FDFT1: variants seen among roughly 807,000 people sequenced by gnomAD.
FDFT1 encodes squalene synthase.
In FDFT1, 68 loss-of-function variants were observed where a neutral mutation model predicts 46.8. The observed-to-expected ratio is 1.45, with a 90% CI of 1.19 to 1.78. The LOEUF (loss-of-function observed/expected upper bound fraction) is 1.78, where lower values mean the gene tolerates loss of function less well. FDFT1 is among the 40% of genes most tolerant of loss of function. The pLI, the probability that FDFT1 is intolerant of heterozygous loss-of-function variation, is 0.00. For missense variants in FDFT1, 928 were observed against 524.4 expected (o/e 1.77, Z -7.52); for synonymous variants, 351 against 185.1 (o/e 1.90, Z -7.28).
At chr8:11,824,505 C>T (rs1302630721) in intron 4 of FDFT1, among the ~76,000 whole-genome samples, 2 of 152,182 alleles carry the variant, frequency 1.3e-5, no homozygotes, top group African/African-American at 2.4e-5. Flanking sequence ...GACACGGCAG[C>T]CCCTTGAACC....
chr8:11,833,374 C>A (rs774329812), intron 7 of FDFT1, among the ~76,000 whole-genome samples: 1 of 152,218 alleles, frequency 6.6e-6, no homozygotes, highest in African/African-American at 2.4e-5. Context: ...AGGGGTTCAA[C>A]TACCCTTTCT....
upstream of FDFT1, among the ~76,000 whole-genome samples, chr8:11,800,282 AAAAAAAAAAAG>A (rs1324278531): frequency 5.5e-5 from 8 of 146,330 alleles, no homozygotes; most frequent in Non-Finnish European, 1.2e-4. Context: ...AAAAAAAAAA[AAAAAAAAAAAG>A]GCGCTTGAAC....
chr8:11,826,734 G>A (rs918014427), intron 5 of FDFT1, among the ~76,000 whole-genome samples: 1 of 152,200 alleles, frequency 6.6e-6, no homozygotes, highest in Non-Finnish European at 1.5e-5. Flanking sequence ...AGAATCGCTT[G>A]AACCCAGGAA....
chr8:11,813,998 TAATA>T (rs960254700), intron 3 of FDFT1, among the ~76,000 whole-genome samples: 31 of 152,304 alleles, frequency 2.0e-4, no homozygotes, highest in African/African-American at 7.2e-4. Context: ...TACAATTACG[TAATA>T]AATAATAAAA....
intron 1 of FDFT1, among the ~76,000 whole-genome samples, chr8:11,796,705 TTC>T (rs1318835142): frequency 2.6e-5 from 4 of 152,224 alleles, no homozygotes; most frequent in Non-Finnish European, 5.9e-5. Context: ...CTGTGGTTGA[TTC>T]TGAGTTGCAA....
At chr8:11,808,524 G>T (rs979254882) in intron 1 of FDFT1, 6 of 1,329,322 alleles carry the variant, frequency 4.5e-6, no homozygotes, top group Non-Finnish European at 3.8e-6. Context: ...TCCCATGGCC[G>T]CAGCCGCCTG....
chr8:11,808,192 G>C (rs1807121446), intron 1 of FDFT1: 1 of 1,007,448 alleles, frequency 9.9e-7, no homozygotes, highest in Non-Finnish European at 1.2e-6. Flanking sequence ...ACAAAGTCCA[G>C]GCCTTATTGG....
intron 7 of FDFT1, among the ~76,000 whole-genome samples, chr8:11,834,317 G>C (rs995878621): frequency 6.6e-6 from 1 of 152,226 alleles, no homozygotes; most frequent in African/African-American, 2.4e-5. Context: ...CTGGATGCTT[G>C]TCAGCTGGGG....
intron 1 of FDFT1, among the ~76,000 whole-genome samples, chr8:11,805,472 C>T (rs1004238911): frequency 1.3e-5 from 2 of 152,172 alleles, no homozygotes; most frequent in African/African-American, 2.4e-5. Flanking sequence ...AATCTAAATC[C>T]TGTTATTTAG....
upstream of FDFT1, among the ~76,000 whole-genome samples, chr8:11,797,638 C>CAAAAAAAA (rs34350077): frequency 5.3e-5 from 4 of 75,470 alleles, no homozygotes; most frequent in Admixed American, 3.7e-4. Context: ...CACACACACT[C>CAAAAAAAA]AAAAAAAAAA....
upstream of FDFT1, among the ~76,000 whole-genome samples, chr8:11,800,180 G>T (rs1365356433): frequency 1.5e-5 from 2 of 130,448 alleles, no homozygotes; most frequent in African/African-American, 5.8e-5. Flanking sequence ...AGAAGCACTT[G>T]AACCCAGAAG....
rs531759815 is a variant in FDFT1, at chr8:11,832,551, CAAAAAAAA to C, written c.1032+899_1032+906del. On this transcript the variant is annotated intron_variant, in intron 7 of 7. Transcript: ENST00000220584. ...TGGGTGATAGAGTGAGACTTTGTCTCAAAAAAAAAAAAAAAAAAAAAAAAAGTCTTAGA... is the reference window on the plus strand; with the variant it reads ...TGGGTGATAGAGTGAGACTTTGTCTCAAAAAAAAAAAAAAAAAGTCTTAGA... 4.5e-3 allele frequency among the ~76,000 whole-genome samples: 162 copies of C among 36,372 alleles called. 2 individuals carry two copies. The highest frequency in any genetic ancestry group is 0.031 in the Middle Eastern group (1 of 32). The allele number at this position is 36,372 out of a possible 152,430, so 23.9% of individuals were successfully genotyped here.
At chr8:11,829,295 C>T (rs542556756) in intron 5 of FDFT1, among the ~76,000 whole-genome samples, 2 of 152,316 alleles carry the variant, frequency 1.3e-5, no homozygotes, top group South Asian at 2.1e-4. Context: ...TAACCATCAA[C>T]ACTATGTTTC....
chr8:11,835,368 C>T (rs184114141), intron 7 of FDFT1, among the ~76,000 whole-genome samples: 38 of 152,294 alleles, frequency 2.5e-4, no homozygotes, highest in Middle Eastern at 3.4e-3. Flanking sequence ...GGTAAGTCCA[C>T]GTCTGAGTAC....
chr8:11,838,910 TC>T lies in FDFT1; in HGVS notation c.*303del, dbSNP rs1811950193. ...CGCTGCATATGTGACTGTCATGAGATCCTACTTAGTATGATCCTGGCTAGAA... is the reference window on the plus strand; with the variant it reads ...CGCTGCATATGTGACTGTCATGAGATCTACTTAGTATGATCCTGGCTAGAA... On this transcript the variant is annotated 3_prime_UTR_variant, in exon 8 of 8. Transcript: ENST00000220584. 2.6e-6 allele frequency: 1 copy of T among 383,524 alleles called. No homozygotes were observed. Among genetic ancestry groups the T allele is most frequent in the Non-Finnish European group, 4.8e-6 (1 of 208,252 alleles). 23.8% of individuals were successfully genotyped at this position (383,524 alleles called of 1,614,324 possible). A position where few individuals can be genotyped will look rare whatever the true frequency, so the allele number is the denominator to read the frequency against.
chr8:11,809,543 T>A, intron 2 of FDFT1, 124 bp from the exon 3 acceptor site: 2 of 1,292,656 alleles, frequency 1.5e-6, no homozygotes, highest in African/African-American at 1.5e-5. Context: ...GCGTTGGATA[T>A]CCTTATAGTT....
At chr8:11,806,581 A>T (rs965544379) in intron 1 of FDFT1, among the ~76,000 whole-genome samples, 1 of 151,872 alleles carries the variant, frequency 6.6e-6, no homozygotes, top group African/African-American at 2.4e-5. Flanking sequence ...ATCTAGGGGG[A>T]CCGTGTCTTG....
At chr8:11,809,149 C>A (rs1161544207) in intron 2 of FDFT1, 1 of 1,302,972 alleles carries the variant, frequency 7.7e-7, no homozygotes, top group Non-Finnish European at 9.8e-7. Flanking sequence ...TTAGTCTTGG[C>A]AGCTGAACCT....
At chr8:11,816,121 G>C (rs1301959709) in intron 3 of FDFT1, among the ~76,000 whole-genome samples, 1 of 152,200 alleles carries the variant, frequency 6.6e-6, no homozygotes, top group African/African-American at 2.4e-5. Flanking sequence ...TTATTAAATA[G>C]GGAATCCTTT....
Sources: gnomAD v4.1 joint callset for allele counts (sites outside exome capture counted in the v4.1 genomes callset) on GRCh38, gnomAD v4.1.1 for gene constraint, MANE v1.5 for transcripts, NCBI Gene and HGNC (gene_info 2026-07-23, HGNC 2026-07-21) for gene names.